ANO4: variants seen among roughly 807,000 people sequenced by gnomAD.
The protein encoded by ANO4 is anoctamin 4.
In ANO4, 69 loss-of-function variants were observed where a neutral mutation model predicts 141.9. That is an observed-to-expected ratio of 0.49 (90% CI 0.40 to 0.59). ANO4 has a LOEUF of 0.59. ANO4 is among the 20% of genes least tolerant of loss of function. The pLI is 0.00. For missense variants in ANO4, 894 were observed against 1,162.2 expected, an observed-to-expected ratio of 0.77 and a Z score of 3.36; for synonymous variants, 350 against 394.3, an observed-to-expected ratio of 0.89 and a Z score of 1.33.
intron 1 of ANO4, chr12:100,733,682 C>T: frequency 1.6e-6 from 1 of 620,208 alleles, no homozygotes. Flanking sequence ...ACAAGGAGAG[C>T]TGGTTTATTT....
At chr12:100,866,747 T>G (rs955887450) in intron 1 of ANO4, among the ~76,000 whole-genome samples, 1 of 152,198 alleles carries the variant, frequency 6.6e-6, no homozygotes, top group African/African-American at 2.4e-5. Context: ...GAAGCAAAAA[T>G]TCTGTAAGTG....
intron 3 of ANO4, among the ~76,000 whole-genome samples, chr12:100,742,127 C>A (rs184552864): frequency 6.6e-6 from 1 of 152,038 alleles, no homozygotes; most frequent in Non-Finnish European, 1.5e-5. Flanking sequence ...TATTATTATT[C>A]TTACTATTAG....
intron 4 of ANO4, among the ~76,000 whole-genome samples, chr12:100,941,518 C>T (rs976209317): frequency 6.6e-5 from 10 of 152,110 alleles, no homozygotes; most frequent in African/African-American, 2.4e-4. Flanking sequence ...ATAGTTTATG[C>T]ATTTTCACTG....
intron 23 of ANO4, 49 bp downstream of exon 23, chr12:101,110,605 G>A: frequency 7.1e-7 from 1 of 1,414,398 alleles, no homozygotes; most frequent in Non-Finnish European, 9.3e-7. Context: ...AACATCTGGT[G>A]GATAAAATTT....
At chr12:100,758,648 G>A (rs2032721132) in intron 3 of ANO4, among the ~76,000 whole-genome samples, 1 of 152,156 alleles carries the variant, frequency 6.6e-6, no homozygotes, top group East Asian at 1.9e-4. Context: ...ACCCTGTAAA[G>A]GAGTTATATT....
Position 100,820,324 on chromosome 12 carries a change from C to T in ANO4, c.-141+25297C>T, listed in dbSNP as rs187834080. ...ATGATTCTCCTGGTTTTATTCTTAC[C>T]CCATTCACCCCAGCAAGAAAGTCGG... On this transcript the variant is annotated intron_variant, in intron 1 of 27. Coordinates refer to ENST00000392977, the MANE Select transcript of ANO4 (RefSeq NM_001286615.2). Among the ~76,000 whole-genome samples the T allele has an allele frequency of 1.1e-4, 16 of 146,038 alleles. No homozygotes were observed. In the Admixed American group the frequency reaches 1.1e-3, roughly 10 times the overall value.
intron 5 of ANO4, among the ~76,000 whole-genome samples, chr12:100,962,511 A>C (rs1431577898): frequency 1.3e-5 from 2 of 152,234 alleles, no homozygotes; most frequent in East Asian, 3.8e-4. Flanking sequence ...GTCTGGGTAC[A>C]GCTCAACTGT....
intron 9 of ANO4, among the ~76,000 whole-genome samples, chr12:101,028,259 C>CA (rs2046824505): frequency 6.6e-6 from 1 of 152,110 alleles, no homozygotes; most frequent in African/African-American, 2.4e-5. Flanking sequence ...CCCAAAAGGA[C>CA]AGAGTTTCTC....
At chr12:101,118,298 G>C (rs1474834050) in intron 25 of ANO4, among the ~76,000 whole-genome samples, 2 of 151,952 alleles carry the variant, frequency 1.3e-5, no homozygotes, top group African/African-American at 4.8e-5. Flanking sequence ...CTGCTTCCTG[G>C]CTCATAATTC....
intron 2 of ANO4, among the ~76,000 whole-genome samples, chr12:100,738,848 TC>T (rs2031725818): frequency 6.6e-6 from 1 of 151,704 alleles, no homozygotes; most frequent in Non-Finnish European, 1.5e-5. Context: ...AATTTCCAGT[TC>T]ACACAAGATG....
intron 6 of ANO4, among the ~76,000 whole-genome samples, chr12:100,974,601 A>C (rs1247003935): frequency 1.3e-5 from 2 of 151,200 alleles, no homozygotes; most frequent in Non-Finnish European, 3.0e-5. Flanking sequence ...GCAACCATTA[A>C]AAAAAAATTA....
chr12:100,897,491 G>A (rs1437641111), intron 1 of ANO4, among the ~76,000 whole-genome samples: 1 of 152,244 alleles, frequency 6.6e-6, no homozygotes, highest in East Asian at 1.9e-4. Context: ...AAGTGCAGAA[G>A]GAAAAGGGAC....
In ANO4 at chr12:100,806,524, GTTTTTTTTTTTTTTTTT is replaced by G. The variant is rs763949654; in HGVS notation, c.-141+11517_-141+11533del. Among the ~76,000 whole-genome samples the G allele has an allele frequency of 8.9e-3, 534 of 59,792 alleles. 3 individuals carry two copies. Among genetic ancestry groups the G allele is most frequent in the African/African-American group, 0.013 (233 of 17,806 alleles). 39.2% of individuals were successfully genotyped at this position (59,792 alleles called of 152,430 possible). On this transcript the variant is annotated intron_variant, in intron 1 of 27. Transcript: ENST00000392977. ...TTTTAGGAGGTTTTTTTTTTGTTTC[GTTTTTTTTTTTTTTTTT>G]TTTTTTTTTTTTTTTTTTTGTGAGA...
intron 16 of ANO4, among the ~76,000 whole-genome samples, chr12:101,084,597 C>G (rs1340698660): frequency 2.0e-5 from 3 of 152,130 alleles, no homozygotes; most frequent in African/African-American, 7.2e-5. Flanking sequence ...TTCAGACAGG[C>G]TACTCCCTTT....
At chr12:101,065,138 G>GA (rs1334128570) in intron 14 of ANO4, among the ~76,000 whole-genome samples, 5 of 152,006 alleles carry the variant, frequency 3.3e-5, no homozygotes, top group African/African-American at 1.2e-4. Flanking sequence ...AAGAAGAAAA[G>GA]AAAAAATCTT....
At chr12:100,790,956 A>G (rs1323407938), upstream of ANO4, among the ~76,000 whole-genome samples, 1 of 152,230 alleles carries the variant, frequency 6.6e-6, no homozygotes, top group Admixed American at 6.5e-5. Context: ...ATGCTGAAGG[A>G]TAATTAGGAT....
chr12:100,877,389 A>G (rs180818924), intron 1 of ANO4, among the ~76,000 whole-genome samples: 3 of 151,402 alleles, frequency 2.0e-5, no homozygotes, highest in East Asian at 3.9e-4. Context: ...CACATTTTAT[A>G]GCATAAATAT....
intron 1 of ANO4, among the ~76,000 whole-genome samples, chr12:100,867,186 G>C (rs2038792527): frequency 6.6e-6 from 1 of 152,130 alleles, no homozygotes; most frequent in African/African-American, 2.4e-5. Flanking sequence ...GTTGTGATTG[G>C]CAATATCACT....
chr12:100,756,147 A>G (rs983507575), intron 3 of ANO4, among the ~76,000 whole-genome samples: 1 of 152,170 alleles, frequency 6.6e-6, no homozygotes, highest in African/African-American at 2.4e-5. Flanking sequence ...TAAATGCTTT[A>G]TATTATCCAT....
Sources: gnomAD v4.1 joint callset for allele counts (sites outside exome capture counted in the v4.1 genomes callset) on GRCh38, gnomAD v4.1.1 for gene constraint, MANE v1.5 for transcripts, NCBI Gene and HGNC (gene_info 2026-07-23, HGNC 2026-07-21) for gene names.